The following GRIA2 variants were observed in gnomAD, a reference collection of about 807,000 sequenced individuals.
The protein encoded by GRIA2 is glutamate ionotropic receptor AMPA type subunit 2.
A neutral mutation model predicts 97.3 loss-of-function variants in GRIA2; 14 were observed. The ratio of observed to expected loss-of-function variants is 0.14; its 90% CI spans 0.10 to 0.23. The LOEUF (loss-of-function observed/expected upper bound fraction) is 0.23. Ranked by LOEUF, GRIA2 falls within the 10% of genes least tolerant of loss-of-function variation. The pLI, the probability that GRIA2 is intolerant of heterozygous loss-of-function variation, is 1.00. For missense variants in GRIA2, 558 were observed against 1,069.8 expected (o/e 0.52, Z 6.67); for synonymous variants, 412 against 387.8 (o/e 1.06, Z -0.73).
chr4:157,312,997 A>G (rs41279335), intron 4 of GRIA2, 122 bp downstream of exon 4: 45,921 of 537,810 alleles, frequency 0.085, 2,440 homozygotes, highest in Non-Finnish European at 0.1. Context: ...TTTATGTCGG[A>G]TGCAGCAAAG....
Position 157,220,835 on chromosome 4 carries a change from G to C in GRIA2, c.-208G>C, listed in dbSNP as rs540489637. 2 of 576,172 alleles carry C rather than the reference G, an allele frequency of 3.5e-6. No individual in the cohort carries two copies. Among genetic ancestry groups the C allele is most frequent in the African/African-American group, 3.8e-5 (2 of 53,076 alleles). 35.7% of individuals were successfully genotyped at this position (576,172 alleles called of 1,614,324 possible). ...AGCCAGTCCTCCGGACTTCTGGAGC[G>C]GGGACAGGGCGCAGGGCATCAGCAG... On this transcript the variant is annotated 5_prime_UTR_variant, in exon 1 of 16. Transcript: ENST00000264426.
At chr4:157,313,921 G>A (rs979644794) in intron 4 of GRIA2, among the ~76,000 whole-genome samples, 2 of 152,030 alleles carry the variant, frequency 1.3e-5, no homozygotes, top group African/African-American at 4.8e-5. Flanking sequence ...AATAAAGTAA[G>A]CTAGGGAAAA....
chr4:157,361,509 A>G lies in GRIA2; in HGVS notation c.2406+385A>G, dbSNP rs756291535. 6 of 1,344,648 alleles carry G rather than the reference A, an allele frequency of 4.5e-6. No homozygotes were observed. The highest frequency in any genetic ancestry group is 6.4e-6 in the Non-Finnish European group (6 of 935,386). The allele number at this position is 1,344,648 out of a possible 1,614,324, so 83.3% of individuals were successfully genotyped here. A position where few individuals can be genotyped will look rare whatever the true frequency, so the allele number is the denominator to read the frequency against. On this transcript the variant is annotated intron_variant, in intron 14 of 15. Transcript: ENST00000264426. This position sits in a 1 kb window ranked among gnomAD's most constrained non-coding sequence, Gnocchi z 5.2. ...TGAATAACATAAAATAACATTGATA[A>G]TGTTATTTATGTTATTTTCCACGTG...
intron 2 of GRIA2, among the ~76,000 whole-genome samples, chr4:157,296,261 A>G (rs1733345257): frequency 6.6e-6 from 1 of 152,180 alleles, no homozygotes; most frequent in Non-Finnish European, 1.5e-5. Flanking sequence ...TTAAACTAAC[A>G]GCTGTAATTT....
intron 2 of GRIA2, among the ~76,000 whole-genome samples, chr4:157,224,192 T>A (rs1170676914): frequency 1.3e-5 from 2 of 152,162 alleles, no homozygotes; most frequent in African/African-American, 4.8e-5. Flanking sequence ...AATAAATATG[T>A]TCACATTTCC....
In GRIA2 at chr4:157,256,238, A is replaced by ATTACATATATATGTTATATAT. The variant is rs1561013261; in HGVS notation, c.229+34432_229+34433insTACATATATATGTTATATATT. Among the ~76,000 whole-genome samples the ATTACATATATATGTTATATAT allele has an allele frequency of 5.3e-3, 439 of 82,806 alleles. 12 individuals are homozygous for ATTACATATATATGTTATATAT. The highest frequency in any genetic ancestry group is 7.7e-3 in the Non-Finnish European group (323 of 42,176). The allele number at this position is 82,806 out of a possible 152,430, so 54.3% of individuals were successfully genotyped here. A position where few individuals can be genotyped will look rare whatever the true frequency, so the allele number is the denominator to read the frequency against. Reference sequence around the variant, plus strand: ...ATATATAATATATAATATATAATATATATATATAATATATAAATTATATAT... The same window carrying ATTACATATATATGTTATATAT: ...ATATATAATATATAATATATAATATATTACATATATATGTTATATATTATATATAATATATAAATTATATAT... On this transcript the variant is annotated intron_variant, in intron 2 of 15. Transcript: ENST00000264426.
intron 6 of GRIA2, among the ~76,000 whole-genome samples, chr4:157,330,813 G>T (rs1735017898): frequency 2.6e-5 from 4 of 151,866 alleles, no homozygotes; most frequent in Admixed American, 2.6e-4. Context: ...AAGCAAAATG[G>T]TCCTCCACTG....
chr4:157,331,543 A>T (rs774819592), intron 6 of GRIA2, among the ~76,000 whole-genome samples: 149 of 152,086 alleles, frequency 9.8e-4, no homozygotes, highest in Non-Finnish European at 1.7e-3. Flanking sequence ...AAATTAATCA[A>T]TTTTTTTCCT....
intron 2 of GRIA2, among the ~76,000 whole-genome samples, chr4:157,297,909 A>C (rs974881718): frequency 1.3e-5 from 2 of 152,092 alleles, no homozygotes; most frequent in African/African-American, 4.8e-5. Flanking sequence ...AAAAATTAAT[A>C]TATATTTACA....
intron 2 of GRIA2, among the ~76,000 whole-genome samples, chr4:157,272,305 A>G (rs1197649124): frequency 1.3e-5 from 2 of 152,046 alleles, no homozygotes; most frequent in African/African-American, 4.8e-5. Flanking sequence ...TGAACAGACA[A>G]AAATCAACAC....
intron 11 of GRIA2, among the ~76,000 whole-genome samples, chr4:157,340,574 T>G (rs933336304): frequency 6.6e-6 from 1 of 151,938 alleles, no homozygotes; most frequent in African/African-American, 2.4e-5. Flanking sequence ...TTCTTTGAGT[T>G]TTATTTTTTT....
At chr4:157,317,970 T>C (rs1446777253) in intron 5 of GRIA2, among the ~76,000 whole-genome samples, 1 of 152,094 alleles carries the variant, frequency 6.6e-6, no homozygotes, top group Admixed American at 6.6e-5. Context: ...AGACAAACCC[T>C]GTCTCAGAAA....
chr4:157,345,319 G>A (rs563154846), intron 12 of GRIA2, among the ~76,000 whole-genome samples: 1 of 151,910 alleles, frequency 6.6e-6, no homozygotes, highest in Admixed American at 6.6e-5. Flanking sequence ...AGGAAAATTA[G>A]TCTATGTCTT....
At position 157,359,940 on chromosome 4, in the gene GRIA2, G is replaced by A; in HGVS notation, c.2088G>A (p.Arg696=). The stretch of plus-strand genomic sequence containing the variant: ...TTGATAAAATGTGGACCTACATGCG[G>A]AGTGCGGAGCCCTCTGTGTTTGTGA... ...AVFDKMWTYM[R]SAEPSVFVRT... The change falls in exon 13 of 16, where the codon CGG becomes CGA. Residue 696 remains arginine, a synonymous_variant. Coordinates refer to ENST00000264426, the MANE Select transcript of GRIA2 (RefSeq NM_001083619.3). 1 of 1,613,666 alleles carries A rather than the reference G, an allele frequency of 6.2e-7. No homozygotes were observed. The highest frequency in any genetic ancestry group is 8.5e-7 in the Non-Finnish European group (1 of 1,179,688).
intron 5 of GRIA2, 138 bp from the exon 6 acceptor site, chr4:157,321,300 G>A (rs1734554124): frequency 1.6e-6 from 1 of 628,320 alleles, no homozygotes. Context: ...AAATACATGG[G>A]ACATTTTCTG....
intron 2 of GRIA2, among the ~76,000 whole-genome samples, chr4:157,235,670 G>C (rs576910232): frequency 6.6e-6 from 1 of 152,078 alleles, no homozygotes; most frequent in East Asian, 1.9e-4. Context: ...GCCAATTGCA[G>C]ATCTGTTAAA....
intron 2 of GRIA2, among the ~76,000 whole-genome samples, chr4:157,224,990 G>C (rs1199118945): frequency 2.6e-5 from 4 of 151,980 alleles, no homozygotes; most frequent in Non-Finnish European, 5.9e-5. Flanking sequence ...ATTAAAAAGT[G>C]GATTTTTATA....
At chr4:157,350,931 C>CTTTTTTTTTTTTT (rs1240937135) in intron 12 of GRIA2, among the ~76,000 whole-genome samples, 1 of 117,518 alleles carries the variant, frequency 8.5e-6, no homozygotes, top group Non-Finnish European at 1.8e-5. Flanking sequence ...TTAGTTTTTT[C>CTTTTTTTTTTTTT]TTTTTTTTTT....
At chr4:157,343,641 C>T (rs913268015) in intron 12 of GRIA2, among the ~76,000 whole-genome samples, 6 of 151,976 alleles carry the variant, frequency 3.9e-5, no homozygotes, top group African/African-American at 7.2e-5. Flanking sequence ...TTGTAGTGAG[C>T]GTCTCCTTAT....
Sources: gnomAD v4.1 joint callset for allele counts (sites outside exome capture counted in the v4.1 genomes callset) on GRCh38, gnomAD v4.1.1 for gene constraint, Gnocchi (gnomAD v3.1) non-coding constraint, MANE v1.5 for transcripts, NCBI Gene and HGNC (gene_info 2026-07-23, HGNC 2026-07-21) for gene names.